ATXN1: variants seen among roughly 807,000 people sequenced by gnomAD.
ATXN1 encodes ataxin-1.
In ATXN1, 8 loss-of-function variants were observed where a neutral mutation model predicts 56.4. That is an observed-to-expected ratio of 0.14 (90% confidence interval 0.08 to 0.26). ATXN1 has a LOEUF of 0.26. Ranked by LOEUF, ATXN1 falls within the 10% of genes least tolerant of loss-of-function variation. ATXN1 has a pLI of 1.00. For missense variants in ATXN1, 987 were observed against 1,106.5 expected (o/e 0.89, Z 1.53); for synonymous variants, 514 against 494.6 (o/e 1.04, Z -0.52).
At chr6:16,488,522 T>C (rs576878419) in intron 5 of ATXN1, among the ~76,000 whole-genome samples, 33 of 152,228 alleles carry the variant, frequency 2.2e-4, no homozygotes, top group Non-Finnish European at 4.6e-4. Flanking sequence ...TGCAAAGAAA[T>C]TAAAAGCAGT....
At chr6:16,644,280 G>A (rs1427688339) in intron 3 of ATXN1, among the ~76,000 whole-genome samples, 1 of 152,180 alleles carries the variant, frequency 6.6e-6, no homozygotes, top group African/African-American at 2.4e-5. Flanking sequence ...ACTTTGGGAG[G>A]CTGAGGCGGG....
chr6:16,438,964 C>A (rs1759448188), intron 6 of ATXN1, among the ~76,000 whole-genome samples: 1 of 152,082 alleles, frequency 6.6e-6, no homozygotes, highest in South Asian at 2.1e-4. Context: ...GGAATCAAGT[C>A]TAACAGAGTC....
chr6:16,314,537 A>C (rs1481563893), intron 7 of ATXN1, among the ~76,000 whole-genome samples: 1 of 152,212 alleles, frequency 6.6e-6, no homozygotes, highest in Non-Finnish European at 1.5e-5. Flanking sequence ...CAACTGGAAC[A>C]ATAAGTCTGT....
At chr6:16,338,725 A>G (rs574951540) in intron 6 of ATXN1, among the ~76,000 whole-genome samples, 1 of 152,264 alleles carries the variant, frequency 6.6e-6, no homozygotes, top group South Asian at 2.1e-4. Context: ...TCTGTTGCTC[A>G]TCTCTCCTGG....
intron 3 of ATXN1, among the ~76,000 whole-genome samples, chr6:16,586,556 G>C (rs1762628364): frequency 6.6e-6 from 1 of 152,152 alleles, no homozygotes; most frequent in Non-Finnish European, 1.5e-5. Flanking sequence ...AGGTGGCCAG[G>C]AATCATGTTT....
chr6:16,452,669 C>T (rs998724473), intron 6 of ATXN1, among the ~76,000 whole-genome samples: 8 of 152,316 alleles, frequency 5.3e-5, no homozygotes, highest in South Asian at 4.1e-4. Context: ...AAAAGGATGG[C>T]GTCAAATGTA....
At chr6:16,696,321 C>T (rs532459787) in intron 2 of ATXN1, among the ~76,000 whole-genome samples, 4 of 152,162 alleles carry the variant, frequency 2.6e-5, no homozygotes, top group South Asian at 2.1e-4. Context: ...GCTGTGGCAT[C>T]GAGAAGAATT....
intron 2 of ATXN1, among the ~76,000 whole-genome samples, chr6:16,733,123 T>C (rs1760029223): frequency 6.6e-6 from 1 of 152,256 alleles, no homozygotes; most frequent in African/African-American, 2.4e-5. Flanking sequence ...TACTACTTGC[T>C]GAAAGCCTGC....
chr6:16,665,646 C>T (rs1758408908), intron 2 of ATXN1, among the ~76,000 whole-genome samples: 1 of 152,192 alleles, frequency 6.6e-6, no homozygotes, highest in African/African-American at 2.4e-5. Context: ...TCTAGGTTTC[C>T]TTCTGGCCTC....
chr6:16,504,528 T>C (rs1208179670), intron 5 of ATXN1, among the ~76,000 whole-genome samples: 3 of 152,120 alleles, frequency 2.0e-5, no homozygotes, highest in Non-Finnish European at 4.4e-5. Context: ...CAAAGAAAAC[T>C]GGTATCTATT....
intron 6 of ATXN1, among the ~76,000 whole-genome samples, chr6:16,455,087 G>A (rs1483504829): frequency 2.6e-5 from 4 of 152,188 alleles, no homozygotes; most frequent in Non-Finnish European, 5.9e-5. Flanking sequence ...AGGATCTGAA[G>A]TGTGGCAAAT....
At chr6:16,699,551 A>T (rs1759237933) in intron 2 of ATXN1, among the ~76,000 whole-genome samples, 1 of 152,302 alleles carries the variant, frequency 6.6e-6, no homozygotes, top group South Asian at 2.1e-4. Flanking sequence ...CCTTTGACTC[A>T]TCAGAGTGAG....
chr6:16,538,801 T>C (rs1761656299), intron 4 of ATXN1, among the ~76,000 whole-genome samples: 1 of 152,194 alleles, frequency 6.6e-6, no homozygotes, highest in Non-Finnish European at 1.5e-5. Context: ...TCCTCTCGCC[T>C]CAGCCTCCCA....
chr6:16,707,836 A>G (rs1259974834), intron 2 of ATXN1, among the ~76,000 whole-genome samples: 1 of 152,236 alleles, frequency 6.6e-6, no homozygotes, highest in African/African-American at 2.4e-5. Context: ...ATAAAGGTAT[A>G]AATGCTACAA....
intron 6 of ATXN1, among the ~76,000 whole-genome samples, chr6:16,363,035 A>G (rs1187031579): frequency 2.0e-5 from 3 of 152,178 alleles, no homozygotes; most frequent in African/African-American, 7.2e-5. Flanking sequence ...GTTCCTTTAT[A>G]ACGGAATCTT....
intron 6 of ATXN1, among the ~76,000 whole-genome samples, chr6:16,469,096 G>C (rs999182392): frequency 6.6e-6 from 1 of 152,118 alleles, no homozygotes; most frequent in African/African-American, 2.4e-5. Flanking sequence ...CTTACACCGT[G>C]GGCACCCAAT....
chr6:16,529,176 C>A (rs1392682849), intron 4 of ATXN1, among the ~76,000 whole-genome samples: 98 of 122,374 alleles, frequency 8.0e-4, no homozygotes, highest in Admixed American at 1.2e-3. Context: ...AAGACTCTGT[C>A]AAAAAAAAAA....
chr6:16,722,835 C>T (rs1162677365), intron 2 of ATXN1, among the ~76,000 whole-genome samples: 2 of 152,194 alleles, frequency 1.3e-5, no homozygotes, highest in African/African-American at 4.8e-5. Flanking sequence ...TTGCTTTCCC[C>T]ATGGCTGAGA....
chr6:16,609,561 C>A (rs1215513447), intron 3 of ATXN1, among the ~76,000 whole-genome samples: 3 of 152,198 alleles, frequency 2.0e-5, no homozygotes, highest in Non-Finnish European at 2.9e-5. Context: ...GAAAAACACA[C>A]CTGGTCTAGT....
Sources: allele counts gnomAD v4.1 joint callset (sites outside exome capture counted in the v4.1 genomes callset), GRCh38; gene constraint gnomAD v4.1.1; transcripts MANE v1.5; gene names NCBI Gene and HGNC (gene_info 2026-07-23, HGNC 2026-07-21).